Variants in MYBBP1A observed in about 807,000 individuals in gnomAD.
MYBBP1A encodes the protein myb-binding protein 1A.
Under a neutral mutation model 136.3 loss-of-function variants are expected in MYBBP1A, and 147 were observed. The ratio of observed to expected loss-of-function variants is 1.08; its 90% CI spans 0.94 to 1.24. The LOEUF (loss-of-function observed/expected upper bound fraction) is 1.24, where lower values mean the gene tolerates loss of function less well. Among genes scored for constraint, MYBBP1A ranks in the 50% most tolerant of loss-of-function variants. The probability of loss-of-function intolerance (pLI) is 0.00; values close to 1 mark genes in which losing one functional copy is unlikely to be tolerated. For missense variants in MYBBP1A, 2,060 were observed against 1,727.4 expected, an observed-to-expected ratio of 1.19 and a Z score of -3.41; for synonymous variants, 947 against 735.8, an observed-to-expected ratio of 1.29 and a Z score of -4.65.
chr17:4,550,026 A>C (rs369170041), intron 9 of MYBBP1A, 32 bp downstream of exon 9: 2 of 1,578,888 alleles, frequency 1.3e-6, no homozygotes, highest in African/African-American at 2.7e-5. Context: ...GTTAACTCCT[A>C]AATTAGGTGT....
rs776723364 is a variant in MYBBP1A at position 4,545,124 on chromosome 17, TCTC to T, written c.2209_2211del (p.Glu737del). ...TCCTCCTCGCTCTCCTCCCCCTCGC[TCTC>T]CTCTTCACTCTCTGAGCTTCTGTTG... On this transcript the variant is annotated inframe_deletion, in exon 17 of 26. Transcript: ENST00000254718. 8.7e-6 allele frequency: 14 copies of T among 1,611,922 alleles called. No homozygotes were observed. The highest frequency in any genetic ancestry group is 2.2e-5 in the East Asian group (1 of 44,778).
At chr17:4,549,089 A>C (rs1296156860) in intron 10 of MYBBP1A, among the ~76,000 whole-genome samples, 1 of 152,204 alleles carries the variant, frequency 6.6e-6, no homozygotes, top group Non-Finnish European at 1.5e-5. Context: ...CCCACGTGCA[A>C]AAGCTGCCTG....
At chr17:4,544,996 G>GCC in intron 17 of MYBBP1A, 30 bp downstream of exon 17, 12 of 697,840 alleles carry the variant, frequency 1.7e-5, no homozygotes, top group South Asian at 4.5e-5. Flanking sequence ...GCCCTCCCCG[G>GCC]CCGCCCCCCC....
intron 19 of MYBBP1A, chr17:4,543,366 G>T: frequency 1.5e-6 from 1 of 668,460 alleles, no homozygotes; most frequent in Non-Finnish European, 2.5e-6. Flanking sequence ...GGGGTGACAG[G>T]GGCGCTCCAG....
intron 4 of MYBBP1A, 46 bp from the exon 5 acceptor site, chr17:4,553,963 G>A (rs1408816794): frequency 6.2e-7 from 1 of 1,613,542 alleles, no homozygotes; most frequent in Admixed American, 1.7e-5. Flanking sequence ...GCACACGACT[G>A]TCCCCCACCC....
In MYBBP1A at chr17:4,551,907, A is replaced by T; in HGVS notation, c.996T>A (p.His332Gln). 1.2e-6 allele frequency: 2 copies of T among 1,613,484 alleles called. No homozygotes were observed. The highest frequency in any genetic ancestry group is 1.7e-6 in the Non-Finnish European group (2 of 1,179,822). ...HLVMQGDVIR[H>Q]YGEHVCTAKL... Reference sequence around the variant, plus strand: ...TAGCAGTGCACACGTGCTCCCCGTAATGGCGGATCACGTCTCCCTGCATCA... The same window carrying T: ...TAGCAGTGCACACGTGCTCCCCGTATTGGCGGATCACGTCTCCCTGCATCA... The change falls in exon 8 of 26, where the codon CAT becomes CAA. Residue 332 changes from histidine (H) to glutamine (Q), a missense_variant. Transcript: ENST00000254718.
rs530714384 is a variant in MYBBP1A at position 4,540,965 on chromosome 17, T to C, written c.3298-481A>G. Among the ~76,000 whole-genome samples the C allele has an allele frequency of 1.1e-4, 14 of 130,484 alleles. No homozygotes were observed. In the East Asian group the frequency reaches 4.9e-3, roughly 46 times the overall value. The allele number at this position is 130,484 out of a possible 152,430, so 85.6% of individuals were successfully genotyped here. A position where few individuals can be genotyped will look rare whatever the true frequency, so the allele number is the denominator to read the frequency against. The stretch of plus-strand genomic sequence containing the variant: ...CCCGCCTCTGCCTGCCAGCACCCCC[T>C]TGGCAAGCTCTCCCTCCACAAGGGC... On this transcript the variant is annotated intron_variant, in intron 24 of 25. Coordinates refer to ENST00000254718, the MANE Select transcript of MYBBP1A (RefSeq NM_014520.4).
At position 4,542,500 on chromosome 17, in the gene MYBBP1A, G is replaced by A. The variant is rs761895001; in HGVS notation, c.3051C>T (p.Val1017=). Residue 1017 remains valine (V), a synonymous_variant, in exon 22 of 26, where the codon GTC becomes GTT. Transcript: ENST00000254718. ...VLCQSLLPIL[V]QHITGPVRPR... ...GCCGCACCGGGCCCGTGATATGCTG[G>A]ACCAGGATGGGGAGCAGGCTCTGAC... 1.2e-6 allele frequency: 2 copies of A among 1,612,448 alleles called. No individual in the cohort carries two copies. The highest frequency in any genetic ancestry group is 3.3e-5 in the Admixed American group (2 of 59,920).
chr17:4,555,355 G>A lies in MYBBP1A; in HGVS notation c.-31C>T. Reference sequence around the variant, plus strand: ...CCACACTCACCGAAACACGAAACACGTGTGCTCCGGCCCCAGCCGCTTCCA... The same window carrying A: ...CCACACTCACCGAAACACGAAACACATGTGCTCCGGCCCCAGCCGCTTCCA... On this transcript the variant is annotated 5_prime_UTR_variant, in exon 1 of 26. It adds an upstream start codon to the 5' untranslated region. Coordinates refer to ENST00000254718, the MANE Select transcript of MYBBP1A (RefSeq NM_014520.4). The A allele has an allele frequency of 1.3e-6, 2 of 1,570,390 alleles. No individual in the cohort carries two copies. The highest frequency in any genetic ancestry group is 2.3e-5 in the East Asian group (1 of 42,764).
At chr17:4,546,870 G>A in intron 13 of MYBBP1A, among the ~76,000 whole-genome samples, 1 of 151,730 alleles carries the variant, frequency 6.6e-6, no homozygotes, top group Admixed American at 6.6e-5. Context: ...CGGCTCCCAG[G>A]CTGTGTGCCC....
chr17:4,544,586 G>A lies in MYBBP1A; in HGVS notation c.2542C>T (p.Leu848=). The stretch of plus-strand genomic sequence containing the variant: ...ATGATGCTCAGCAGCGGCTCCAGCA[G>A]CTCCAGGACCAGGGCATTCTCGGGC... ...KQPENALVLE[L]LEPLLSIIRR... Residue 848 remains leucine, a synonymous_variant, in exon 19 of 26, where the codon CTG becomes TTG. Transcript: ENST00000254718. The A allele has an allele frequency of 6.3e-7, 1 of 1,579,706 alleles. No homozygotes were observed. The highest frequency in any genetic ancestry group is 1.3e-5 in the African/African-American group (1 of 74,142).
Position 4,548,054 on chromosome 17 carries a change from C to G in MYBBP1A, c.1728G>C (p.Met576Ile), listed in dbSNP as rs969730225. Residue 576 changes from methionine to isoleucine, a missense_variant, in exon 13 of 26, where the codon ATG becomes ATC. Met to Ile is a conservative substitution (Grantham distance 10). Transcript: ENST00000254718. The surrounding 1 kb of genome is among the most constrained non-coding windows in gnomAD (Gnocchi z 4.2). Reference protein sequence around the residue: ...TAQQRQAWDRMLQTLKELEAH... With the variant: ...TAQQRQAWDRILQTLKELEAH... ...CCTCCAGCTCCTTCAGAGTCTGCAGCATCCTGCGGGGAGACAGGCGATTCC... is the reference window on the plus strand; with the variant it reads ...CCTCCAGCTCCTTCAGAGTCTGCAGGATCCTGCGGGGAGACAGGCGATTCC... 6.3e-7 allele frequency: 1 copy of G among 1,575,940 alleles called. No homozygotes were observed. The highest frequency in any genetic ancestry group is 1.3e-5 in the African/African-American group (1 of 74,194).
Position 4,547,979 on chromosome 17 carries a change from G to T in MYBBP1A, c.1803C>A (p.Leu601=). Residue 601 remains leucine, a synonymous_variant, in exon 13 of 26, where the codon CTC becomes CTA. Coordinates refer to ENST00000254718, the MANE Select transcript of MYBBP1A (RefSeq NM_014520.4). ...GTACCTTGAGGAGGTGGATGCCCAC[G>T]AGGAGCAGAAGGTGCTGGAAGGCAG... is the stretch of plus-strand genomic sequence containing the variant. ...RAAAFQHLLL[L]VGIHLLKSPA... 1 of 1,521,470 alleles carries T rather than the reference G, an allele frequency of 6.6e-7. No homozygotes were observed. 94.2% of individuals were successfully genotyped at this position (1,521,470 alleles called of 1,614,324 possible).
rs868753805 is a variant in MYBBP1A at position 4,545,969 on chromosome 17, G to C, written c.1825-27C>G. 5 of 1,602,588 alleles carry C rather than the reference G, an allele frequency of 3.1e-6. 1 individual carries two copies. In the Middle Eastern group the frequency reaches 8.3e-4, roughly 265 times the overall value. On this transcript the variant is annotated intron_variant, in intron 13 of 25. Transcript: ENST00000254718. ...TGCGGGCAGGGTAGGACACACACTG[G>C]GGCCAGGCCCTGTCCCCAGCCCTTC...
rs1439603955 is a variant in MYBBP1A at position 4,551,961 on chromosome 17, G to A, written c.942C>T (p.Pro314=). 6.2e-7 allele frequency: 1 copy of A among 1,612,308 alleles called. No individual in the cohort carries two copies. The highest frequency in any genetic ancestry group is 8.5e-7 in the Non-Finnish European group (1 of 1,178,922). ...LCFRLLGAAL[P]LLTKEQLHLV... The stretch of plus-strand genomic sequence containing the variant: ...GGTGCAGCTGCTCCTTGGTCAGCAG[G>A]GGCAGGGCCGCGCCCAGCAGGCGGA... Residue 314 remains proline (P), a synonymous_variant, in exon 8 of 26, where the codon CCC becomes CCT. Coordinates refer to ENST00000254718, the MANE Select transcript of MYBBP1A (RefSeq NM_014520.4).
intron 9 of MYBBP1A, among the ~76,000 whole-genome samples, chr17:4,549,670 G>A (rs941330530): frequency 6.6e-6 from 1 of 151,726 alleles, no homozygotes; most frequent in African/African-American, 2.4e-5. Context: ...CCAGCTACTG[G>A]AGAGGCTGAG....
chr17:4,540,261 GC>G, intron 25 of MYBBP1A, 86 bp downstream of exon 25: 1 of 1,475,264 alleles, frequency 6.8e-7, no homozygotes, highest in South Asian at 1.3e-5. Context: ...GTGTGCAGCA[GC>G]GTGTGTGCAG....
At position 4,554,009 on chromosome 17, in the gene MYBBP1A, A is replaced by G; in HGVS notation, c.453+10T>C. 6.2e-7 allele frequency: 1 copy of G among 1,614,012 alleles called. No homozygotes were observed. Among genetic ancestry groups the G allele is most frequent in the Non-Finnish European group, 8.5e-7 (1 of 1,179,992 alleles). ...AGCCTACATTCCCCCAGTCCCTCCA[A>G]AGCTCTTACCTTCACCAGCCGACCT... On this transcript the variant is annotated intron_variant, in intron 4 of 25. Coordinates refer to ENST00000254718, the MANE Select transcript of MYBBP1A (RefSeq NM_014520.4).
At position 4,541,737 on chromosome 17, in the gene MYBBP1A, A is replaced by G. The variant is rs1232554009; in HGVS notation, c.3195+47T>C. 4 of 1,549,386 alleles carry G rather than the reference A, an allele frequency of 2.6e-6. No homozygotes were observed. In the African/African-American group the frequency reaches 5.4e-5, roughly 21 times the overall value. On this transcript the variant is annotated intron_variant, in intron 23 of 25. Transcript: ENST00000254718. ...TCTTTCCCAGAGATCGGTCTCCCGG[A>G]GAACTGATTCTGAGGGGGTGGGGAA...
Sources: allele counts gnomAD v4.1 joint callset (sites outside exome capture counted in the v4.1 genomes callset), GRCh38; gene constraint gnomAD v4.1.1; non-coding constraint Gnocchi (gnomAD v3.1); transcripts MANE v1.5; gene names NCBI Gene and HGNC (gene_info 2026-07-23, HGNC 2026-07-21).